The following LRRC58 variants were observed in gnomAD, a reference collection of about 807,000 sequenced individuals.
LRRC58 encodes leucine rich repeat containing 58, also known as leucine-rich repeat-containing protein 58.
In LRRC58, 18 loss-of-function variants were observed where a neutral mutation model predicts 30.6. The observed-to-expected ratio is 0.59, with a 90% CI of 0.41 to 0.87. LRRC58 has a LOEUF of 0.87. LRRC58 is among the 40% of genes least tolerant of loss of function. The pLI, the probability that LRRC58 is intolerant of heterozygous loss-of-function variation, is 0.00. For missense variants in LRRC58, 420 were observed against 468.4 expected, an observed-to-expected ratio of 0.90 and a Z score of 0.95; for synonymous variants, 221 against 206.0, an observed-to-expected ratio of 1.07 and a Z score of -0.62.
Position 120,330,206 on chromosome 3 carries a change from A to T in LRRC58, c.*994T>A, listed in dbSNP as rs995527883. ...TCCCTACCCATTTAATGCAAGATATAAAGAAGCTTTCCTAGCTTCTATCTC... is the reference window on the plus strand; with the variant it reads ...TCCCTACCCATTTAATGCAAGATATTAAGAAGCTTTCCTAGCTTCTATCTC... On this transcript the variant is annotated 3_prime_UTR_variant, in exon 4 of 4. Transcript: ENST00000295628. The T allele has an allele frequency of 2.6e-5, 4 of 152,146 alleles. No homozygotes were observed. The highest frequency in any genetic ancestry group is 5.9e-5 in the Non-Finnish European group (4 of 67,978). The allele number at this position is 152,146 out of a possible 1,614,324, so 9.4% of individuals were successfully genotyped here.
chr3:120,329,688 G>C lies in LRRC58; in HGVS notation c.*1512C>G, dbSNP rs991220703. 1 of 138,522 alleles carries C rather than the reference G, an allele frequency of 7.2e-6. No homozygotes were observed. The highest frequency in any genetic ancestry group is 1.5e-5 in the Non-Finnish European group (1 of 64,842). The allele number at this position is 138,522 out of a possible 1,614,324, so 8.6% of individuals were successfully genotyped here. On this transcript the variant is annotated 3_prime_UTR_variant, in exon 4 of 4. Coordinates refer to ENST00000295628, the MANE Select transcript of LRRC58 (RefSeq NM_001099678.2). ...TACAACAATCTGCTTTTAAGAAATG[G>C]TGTGCCATGAATGCCAGAAATCAGA...
chr3:120,335,853 T>C lies in LRRC58; in HGVS notation c.601A>G (p.Ile201Val). ...GAAAGTTGAGGAGGTATGCTTTGGA[T>C]TTTGTTGTCACATAATACCAAATAA... ...LNYLVLCDNK[I>V]QSIPPQLSQL... Residue 201 changes from isoleucine to valine, a missense_variant, in exon 2 of 4, where the codon ATC becomes GTC. Transcript: ENST00000295628. The C allele has an allele frequency of 6.2e-7, 1 of 1,611,734 alleles. No individual in the cohort carries two copies. Among genetic ancestry groups the C allele is most frequent in the Non-Finnish European group, 8.5e-7 (1 of 1,178,090 alleles).
chr3:120,344,996 G>A (rs1302108046), intron 1 of LRRC58, among the ~76,000 whole-genome samples: 1 of 151,964 alleles, frequency 6.6e-6, no homozygotes, highest in East Asian at 1.9e-4. Flanking sequence ...ATCCACAACC[G>A]CATGGTTCAC....
chr3:120,345,386 T>C (rs546692680), intron 1 of LRRC58, among the ~76,000 whole-genome samples: 5 of 152,332 alleles, frequency 3.3e-5, no homozygotes, highest in African/African-American at 4.8e-5. Context: ...ATGGCATACA[T>C]AGTATCAATA....
chr3:120,345,865 C>T (rs1260761544), intron 1 of LRRC58, among the ~76,000 whole-genome samples: 1 of 152,206 alleles, frequency 6.6e-6, no homozygotes, highest in Non-Finnish European at 1.5e-5. Context: ...ACACAGATAG[C>T]ACGGTTGTTA....
In LRRC58 at chr3:120,325,452, CT is replaced by C. The variant is rs1935660789; in HGVS notation, c.*5747del. ...AAATAACCTTCATTAAACTAATACACTTTAATATTTACTGGATTGAATACTA... is the reference window on the plus strand; with the variant it reads ...AAATAACCTTCATTAAACTAATACACTTAATATTTACTGGATTGAATACTA... On this transcript the variant is annotated 3_prime_UTR_variant, in exon 4 of 4. Coordinates refer to ENST00000295628, the MANE Select transcript of LRRC58 (RefSeq NM_001099678.2). 1 of 152,156 alleles carries C rather than the reference CT, an allele frequency of 6.6e-6. No individual in the cohort carries two copies. The highest frequency in any genetic ancestry group is 2.4e-5 in the African/African-American group (1 of 41,436). 9.4% of individuals were successfully genotyped at this position (152,156 alleles called of 1,614,324 possible).
Position 120,324,800 on chromosome 3 carries a change from A to G in LRRC58, c.*6400T>C, listed in dbSNP as rs1401239161. 1 of 152,174 alleles carries G rather than the reference A, an allele frequency of 6.6e-6. No individual in the cohort carries two copies. The highest frequency in any genetic ancestry group is 1.5e-5 in the Non-Finnish European group (1 of 68,016). The allele number at this position is 152,174 out of a possible 1,614,324, so 9.4% of individuals were successfully genotyped here. A position where few individuals can be genotyped will look rare whatever the true frequency, so the allele number is the denominator to read the frequency against. On this transcript the variant is annotated 3_prime_UTR_variant, in exon 4 of 4. Coordinates refer to ENST00000295628, the MANE Select transcript of LRRC58 (RefSeq NM_001099678.2). ...AAATTTGATATTAATATAATAAACAATAACTTATCCTAAATATAAAAATTG... is the reference window on the plus strand; with the variant it reads ...AAATTTGATATTAATATAATAAACAGTAACTTATCCTAAATATAAAAATTG...
chr3:120,335,755 T>C, intron 2 of LRRC58, 70 bp downstream of exon 2: 2 of 1,219,278 alleles, frequency 1.6e-6, no homozygotes, highest in Non-Finnish European at 2.3e-6. Flanking sequence ...TAAAAACATG[T>C]GAGTGAATAC....
intron 1 of LRRC58, among the ~76,000 whole-genome samples, chr3:120,337,484 T>C (rs1442229117): frequency 2.0e-5 from 3 of 152,198 alleles, no homozygotes; most frequent in Non-Finnish European, 4.4e-5. Flanking sequence ...TTTATCTCAT[T>C]AATTTGTTGG....
At chr3:120,337,324 A>C (rs1333328841) in intron 1 of LRRC58, among the ~76,000 whole-genome samples, 2 of 152,220 alleles carry the variant, frequency 1.3e-5, no homozygotes, top group Admixed American at 1.3e-4. Flanking sequence ...GGTATAAAAA[A>C]TGGTACCATT....
chr3:120,330,722 T>C lies in LRRC58; in HGVS notation c.*478A>G, dbSNP rs1289945522. 6.5e-6 allele frequency: 1 copy of C among 153,568 alleles called. No individual in the cohort carries two copies. Among genetic ancestry groups the C allele is most frequent in the East Asian group, 1.9e-4 (1 of 5,214 alleles). The allele number at this position is 153,568 out of a possible 1,614,324, so 9.5% of individuals were successfully genotyped here. On this transcript the variant is annotated 3_prime_UTR_variant, in exon 4 of 4. Transcript: ENST00000295628. ...ATACAGGCAATTAGAAAAGGGAGGG[T>C]TAATCCTGTTTATGGCATATAATAT...
intron 1 of LRRC58, among the ~76,000 whole-genome samples, chr3:120,337,108 T>TAA (rs1394244130): frequency 2.0e-5 from 3 of 152,132 alleles, no homozygotes; most frequent in African/African-American, 2.4e-5. Flanking sequence ...CCAGATGCAC[T>TAA]AAATACTGTC....
chr3:120,340,999 G>C (rs919206302), intron 1 of LRRC58, among the ~76,000 whole-genome samples: 1 of 152,102 alleles, frequency 6.6e-6, no homozygotes, highest in African/African-American at 2.4e-5. Flanking sequence ...GACTTAAAAT[G>C]TTTAGAAAAA....
chr3:120,349,049 G>C lies in LRRC58; in HGVS notation c.195C>G (p.Ser65Arg). 6.6e-7 allele frequency: 1 copy of C among 1,517,398 alleles called. No homozygotes were observed. The highest frequency in any genetic ancestry group is 1.2e-5 in the South Asian group (1 of 81,676). The allele number at this position is 1,517,398 out of a possible 1,614,324, so 94.0% of individuals were successfully genotyped here. ...RLVSLPRALGSGFPHLQLLDV... is the reference protein window; with the variant it reads ...RLVSLPRALGRGFPHLQLLDV... ...CCAGCAGCTGGAGGTGCGGGAAGCC[G>C]CTGCCCAGCGCCCGTGGCAGCGACA... The change falls in exon 1 of 4, where the codon AGC becomes AGG. Residue 65 changes from serine to arginine, a missense_variant. By Grantham distance (110) the Ser-to-Arg change is moderately radical. Coordinates refer to ENST00000295628, the MANE Select transcript of LRRC58 (RefSeq NM_001099678.2).
Position 120,340,824 on chromosome 3 carries a change from G to A in LRRC58, c.501-4871C>T, listed in dbSNP as rs185550284. Among the ~76,000 whole-genome samples, 33 of 152,286 alleles carry A rather than the reference G, an allele frequency of 2.2e-4. 1 individual carries two copies. The highest frequency in any genetic ancestry group is 2.2e-3 in the Admixed American group (33 of 15,296). ...AGGCAGGAGAATTGCTTGAACCTGG[G>A]AGGCAGAGGTTGCAGTGAGCAGAGG... is the stretch of plus-strand genomic sequence containing the variant. On this transcript the variant is annotated intron_variant, in intron 1 of 3. Coordinates refer to ENST00000295628, the MANE Select transcript of LRRC58 (RefSeq NM_001099678.2).
In LRRC58 at chr3:120,330,495, T is replaced by A. The variant is rs1935739373; in HGVS notation, c.*705A>T. The A allele has an allele frequency of 6.6e-6, 1 of 152,190 alleles. No homozygotes were observed. The allele number at this position is 152,190 out of a possible 1,614,324, so 9.4% of individuals were successfully genotyped here. ...ATTACTTCTTGAATACATTTTTATA[T>A]CCTTGCTGGATTAAGGCACTATAAC... On this transcript the variant is annotated 3_prime_UTR_variant, in exon 4 of 4. Coordinates refer to ENST00000295628, the MANE Select transcript of LRRC58 (RefSeq NM_001099678.2).
chr3:120,331,432 G>A, intron 3 of LRRC58, 24 bp from the exon 4 acceptor site: 1 of 1,555,368 alleles, frequency 6.4e-7, no homozygotes, highest in Non-Finnish European at 8.9e-7. Flanking sequence ...GGAATAGAAA[G>A]TAATCATTAC....
At position 120,331,090 on chromosome 3, in the gene LRRC58, G is replaced by T; in HGVS notation, c.*110C>A. The T allele has an allele frequency of 3.3e-6, 3 of 914,540 alleles. No homozygotes were observed. The highest frequency in any genetic ancestry group is 1.6e-5 in the South Asian group (1 of 63,586). The allele number at this position is 914,540 out of a possible 1,614,324, so 56.7% of individuals were successfully genotyped here. ...TGTTTTATATCATCCCAGACTCTTT[G>T]ATGAACACTTAAGATGAAGATAAGA... On this transcript the variant is annotated 3_prime_UTR_variant, in exon 4 of 4. Transcript: ENST00000295628.
intron 1 of LRRC58, among the ~76,000 whole-genome samples, chr3:120,340,086 C>T (rs1041926381): frequency 1.3e-5 from 2 of 152,086 alleles, no homozygotes; most frequent in African/African-American, 4.8e-5. Context: ...GTCTCAAACT[C>T]CTGACCTCAT....
Sources: allele counts gnomAD v4.1 joint callset (sites outside exome capture counted in the v4.1 genomes callset), GRCh38; gene constraint gnomAD v4.1.1; transcripts MANE v1.5; gene names NCBI Gene and HGNC (gene_info 2026-07-23, HGNC 2026-07-21).